Variants in GABRA2 observed in about 807,000 individuals in gnomAD.
GABRA2 encodes gamma-aminobutyric acid type A receptor subunit alpha2.
In GABRA2, 16 loss-of-function variants were observed where a neutral mutation model predicts 48.7. That is an observed-to-expected ratio of 0.33 (90% CI 0.22 to 0.50). The LOEUF is 0.50. Among genes scored for constraint, GABRA2 ranks in the 20% least tolerant of loss-of-function variants. The pLI is 0.98. For synonymous variants in GABRA2, 185 were observed against 184.5 expected (o/e 1.00, Z -0.02); for missense variants, 275 against 535.6 (o/e 0.51, Z 4.80).
At chr4:46,381,597 T>C (rs1716763712) in intron 3 of GABRA2, among the ~76,000 whole-genome samples, 2 of 152,206 alleles carry the variant, frequency 1.3e-5, no homozygotes, top group Admixed American at 1.3e-4. Context: ...TTCCTATCAA[T>C]TGTATGTCAC....
At chr4:46,341,144 T>A (rs1733153532) in intron 3 of GABRA2, among the ~76,000 whole-genome samples, 1 of 151,998 alleles carries the variant, frequency 6.6e-6, no homozygotes, top group Non-Finnish European at 1.5e-5. Flanking sequence ...TATACTTTCC[T>A]TTTATTATTT....
chr4:46,299,364 T>G (rs992355735), intron 8 of GABRA2, among the ~76,000 whole-genome samples: 1 of 151,830 alleles, frequency 6.6e-6, no homozygotes, highest in African/African-American at 2.4e-5. Context: ...TTGTGTTTGT[T>G]TAGTTCTTTC....
At chr4:46,284,107 A>G (rs975176370) in intron 8 of GABRA2, among the ~76,000 whole-genome samples, 9 of 151,844 alleles carry the variant, frequency 5.9e-5, no homozygotes, top group African/African-American at 1.7e-4. Flanking sequence ...TCTGTTATAT[A>G]CTCAATATAA....
At chr4:46,348,545 A>C (rs1343488179) in intron 3 of GABRA2, among the ~76,000 whole-genome samples, 1 of 152,010 alleles carries the variant, frequency 6.6e-6, no homozygotes, top group Non-Finnish European at 1.5e-5. Context: ...ACAACGATAG[A>C]CTGGATTAAG....
chr4:46,257,903 G>C (rs771702509), intron 9 of GABRA2, among the ~76,000 whole-genome samples: 16 of 151,728 alleles, frequency 1.1e-4, no homozygotes, highest in Non-Finnish European at 2.4e-4. Context: ...TATAAGATTA[G>C]GTTGTGGCAT....
At chr4:46,282,693 T>A (rs905572454) in intron 8 of GABRA2, among the ~76,000 whole-genome samples, 6 of 152,182 alleles carry the variant, frequency 3.9e-5, no homozygotes, top group African/African-American at 1.4e-4. Context: ...ATGATTATTG[T>A]TATTCACACT....
intron 9 of GABRA2, chr4:46,260,850 T>A (rs918607053): frequency 2.6e-5 from 4 of 151,948 alleles, no homozygotes; most frequent in African/African-American, 9.7e-5. Flanking sequence ...TCAGTCTTAT[T>A]AAAATTTCTA....
chr4:46,271,910 A>T (rs1188758687), intron 8 of GABRA2, among the ~76,000 whole-genome samples: 1 of 151,718 alleles, frequency 6.6e-6, no homozygotes, highest in African/African-American at 2.4e-5. Flanking sequence ...AGTCTAGGGA[A>T]TTGTACATGC....
intron 3 of GABRA2, among the ~76,000 whole-genome samples, chr4:46,359,825 G>A (rs1025243868): frequency 6.6e-6 from 1 of 151,860 alleles, no homozygotes; most frequent in Non-Finnish European, 1.5e-5. Context: ...GCTGAGGCAG[G>A]AGAATGGCGT....
chr4:46,354,230 A>G (rs772066268), intron 3 of GABRA2, among the ~76,000 whole-genome samples: 2 of 152,154 alleles, frequency 1.3e-5, no homozygotes, highest in Non-Finnish European at 1.5e-5. Flanking sequence ...GGCAGAGCCA[A>G]TATTGAAACT....
At chr4:46,265,486 T>TTATA (rs71193857) in intron 8 of GABRA2, among the ~76,000 whole-genome samples, 1 of 131,094 alleles carries the variant, frequency 7.6e-6, no homozygotes, top group South Asian at 2.1e-4. Context: ...TGTGTATATA[T>TTATA]TATATATATA....
chr4:46,245,064 C>G lies in GABRA2; in HGVS notation c.*5244G>C, dbSNP rs1354488721. ...TTGTTTGTTTGTTTCGTTTACCTTT[C>G]CTATAATATATGTAAACTGGTATGT... On this transcript the variant is annotated 3_prime_UTR_variant, in exon 10 of 10. Transcript: ENST00000381620. 2.7e-5 allele frequency among the ~76,000 whole-genome samples: 4 copies of G among 150,774 alleles called. No homozygotes were observed. Among genetic ancestry groups the G allele is most frequent in the African/African-American group, 9.7e-5 (4 of 41,192 alleles).
chr4:46,313,567 T>TTCTCTCTCTCTCTCTC (rs3068364), intron 4 of GABRA2, among the ~76,000 whole-genome samples: 4 of 145,642 alleles, frequency 2.7e-5, no homozygotes, highest in Non-Finnish European at 4.5e-5. Context: ...GAAACTCTGT[T>TTCTCTCTCTCTCTCTC]TCTCTCTCTC....
At chr4:46,290,005 G>A (rs1436516748) in intron 8 of GABRA2, among the ~76,000 whole-genome samples, 3 of 149,908 alleles carry the variant, frequency 2.0e-5, no homozygotes, top group Admixed American at 6.6e-5. Flanking sequence ...CCCGCCTCCC[G>A]GGTTCACGCC....
intron 9 of GABRA2, among the ~76,000 whole-genome samples, chr4:46,251,049 G>C (rs774109347): frequency 6.6e-6 from 1 of 151,502 alleles, no homozygotes; most frequent in Admixed American, 6.6e-5. Flanking sequence ...TCACGTCAAA[G>C]TCATATAGCA....
chr4:46,297,604 T>C (rs1724997798), intron 8 of GABRA2, among the ~76,000 whole-genome samples: 2 of 149,508 alleles, frequency 1.3e-5, no homozygotes, highest in African/African-American at 4.9e-5. Flanking sequence ...CCTAGTAATG[T>C]CCCTACTTTC....
chr4:46,344,730 C>T (rs1430347089), intron 3 of GABRA2, among the ~76,000 whole-genome samples: 1 of 151,720 alleles, frequency 6.6e-6, no homozygotes, highest in East Asian at 2.0e-4. Context: ...AGAGAACATC[C>T]TTGATTATAT....
chr4:46,380,512 T>C (rs1716617923), intron 3 of GABRA2, among the ~76,000 whole-genome samples: 1 of 152,226 alleles, frequency 6.6e-6, no homozygotes, highest in African/African-American at 2.4e-5. Context: ...TCTACATGTA[T>C]TGAGTTCTTA....
In GABRA2 at chr4:46,243,684, TACA is replaced by T. The variant is rs1294117604; in HGVS notation, c.*6621_*6623del. On this transcript the variant is annotated 3_prime_UTR_variant, in exon 10 of 10. Coordinates refer to ENST00000381620, the MANE Select transcript of GABRA2 (RefSeq NM_000807.4). ...TGATCAACTAGTGGCCTTTCCCAAT[TACA>T]ACAAGGTCACAATTACAAATATTAG... 1 of 151,406 alleles carries T rather than the reference TACA, an allele frequency of 6.6e-6. No homozygotes were observed. Among genetic ancestry groups the T allele is most frequent in the Non-Finnish European group, 1.5e-5 (1 of 67,552 alleles). 9.4% of individuals were successfully genotyped at this position (151,406 alleles called of 1,614,324 possible).
Sources: allele counts gnomAD v4.1 joint callset (sites outside exome capture counted in the v4.1 genomes callset), GRCh38; gene constraint gnomAD v4.1.1; transcripts MANE v1.5; gene names NCBI Gene and HGNC (gene_info 2026-07-23, HGNC 2026-07-21).